GNA14: variants seen among roughly 807,000 people sequenced by gnomAD.
GNA14 encodes G protein subunit alpha 14, also known as guanine nucleotide-binding protein subunit alpha-14.
A neutral mutation model predicts 42.0 loss-of-function variants in GNA14; 50 were observed. That is an observed-to-expected ratio of 1.19 (90% CI 0.95 to 1.51). The LOEUF is 1.51. GNA14 is among the 40% of genes most tolerant of loss of function. The pLI, the probability that GNA14 is intolerant of heterozygous loss-of-function variation, is 0.00. For synonymous variants in GNA14, 173 were observed against 163.1 expected (o/e 1.06, Z -0.46); for missense variants, 473 against 446.2 (o/e 1.06, Z -0.54).
intron 1 of GNA14, among the ~76,000 whole-genome samples, chr9:77,615,702 T>TACACACACAC (rs59087574): frequency 4.3e-4 from 58 of 134,474 alleles, no homozygotes; most frequent in Admixed American, 2.3e-3. Context: ...GAAAATGAAA[T>TACACACACAC]ACACACACAC....
At chr9:77,531,782 C>A (rs12353137) in intron 1 of GNA14, among the ~76,000 whole-genome samples, 10,217 of 152,182 alleles carry the variant, frequency 0.067, 1,152 homozygotes, top group African/African-American at 0.23. Context: ...GCTAACCCCA[C>A]CACCAGCCCC....
chr9:77,443,911 G>A lies in GNA14; in HGVS notation c.310-9389C>T, dbSNP rs374286338. 3.7e-4 allele frequency among the ~76,000 whole-genome samples: 57 copies of A among 152,328 alleles called. 1 individual carries two copies. The highest frequency in any genetic ancestry group is 1.4e-3 in the South Asian group (7 of 4,830). ...GCGGGAGGATCATTTGAACCCAGGT[G>A]TTGGAGGCTAGAGTAAGCTATGATT... On this transcript the variant is annotated intron_variant, in intron 2 of 6. Transcript: ENST00000341700.
rs1481650093 is a variant in GNA14 at position 77,434,397 on chromosome 9, C to T, written c.435G>A (p.Arg145=). The T allele has an allele frequency of 6.2e-7, 1 of 1,614,060 alleles. No individual in the cohort carries two copies. The highest frequency in any genetic ancestry group is 1.1e-5 in the South Asian group (1 of 91,062). ...PGIQECYDRR[R]EYQLSDSAKY... ...TGGCAGAGTCCGACAGCTGGTACTC[C>T]CTCCTCCTGTCGTAACACTCCTGGA... The change falls in exon 3 of 7, where the codon AGG becomes AGA. Residue 145 remains arginine (R), a synonymous_variant. Coordinates refer to ENST00000341700, the MANE Select transcript of GNA14 (RefSeq NM_004297.4).
At chr9:77,586,548 G>C (rs956735022) in intron 1 of GNA14, among the ~76,000 whole-genome samples, 1 of 152,004 alleles carries the variant, frequency 6.6e-6, no homozygotes, top group Non-Finnish European at 1.5e-5. Context: ...CACTCAAGAA[G>C]TAAGTTTAAG....
chr9:77,573,654 A>G (rs1365186975), intron 1 of GNA14, among the ~76,000 whole-genome samples: 1 of 152,164 alleles, frequency 6.6e-6, no homozygotes, highest in African/African-American at 2.4e-5. Context: ...GAAATCTTGC[A>G]CCAAAATCTC....
chr9:77,526,516 A>T (rs1322782133), intron 2 of GNA14: 1 of 152,228 alleles, frequency 6.6e-6, no homozygotes, highest in Admixed American at 6.5e-5. Flanking sequence ...GGAAATTTGG[A>T]CACAGAACCA....
rs1303115438 is a variant in GNA14, at chr9:77,519,598, T to C, written c.309+9471A>G. On this transcript the variant is annotated intron_variant, in intron 2 of 6. Coordinates refer to ENST00000341700, the MANE Select transcript of GNA14 (RefSeq NM_004297.4). ...TCACTTATAAGTGGGAGCTAAACAA[T>C]GTATACACATGGACACAGAGTATGA... 4.6e-5 allele frequency among the ~76,000 whole-genome samples: 7 copies of C among 152,238 alleles called. No homozygotes were observed. The East Asian group carries it at 1.2e-3, about 25-fold the overall frequency.
chr9:77,630,219 G>C (rs573080747), intron 1 of GNA14, among the ~76,000 whole-genome samples: 1 of 151,884 alleles, frequency 6.6e-6, no homozygotes, highest in Admixed American at 6.6e-5. Flanking sequence ...CTGGGCTCAA[G>C]TTATCCTCCC....
intron 1 of GNA14, among the ~76,000 whole-genome samples, chr9:77,642,990 C>G (rs535488183): frequency 1.4e-4 from 21 of 152,148 alleles, no homozygotes; most frequent in South Asian, 8.3e-4. Flanking sequence ...TCAGATGATG[C>G]CTCCTCCAGA....
intron 1 of GNA14, among the ~76,000 whole-genome samples, chr9:77,593,091 G>T (rs1018913358): frequency 2.6e-5 from 4 of 152,142 alleles, no homozygotes; most frequent in Non-Finnish European, 5.9e-5. Context: ...ATAGCCTAAT[G>T]CTCAATTTCA....
chr9:77,517,154 A>T (rs1209717743), intron 2 of GNA14, among the ~76,000 whole-genome samples: 3 of 152,204 alleles, frequency 2.0e-5, no homozygotes, highest in African/African-American at 7.2e-5. Context: ...TATCATGGGA[A>T]TTCTTCCTCA....
intron 2 of GNA14, among the ~76,000 whole-genome samples, chr9:77,505,841 T>G (rs1317367692): frequency 1.3e-5 from 2 of 152,222 alleles, no homozygotes; most frequent in African/African-American, 4.8e-5. Context: ...AACAGGTGCA[T>G]GATAAATATA....
At chr9:77,643,530 C>T (rs1824303026) in intron 1 of GNA14, among the ~76,000 whole-genome samples, 1 of 152,168 alleles carries the variant, frequency 6.6e-6, no homozygotes, top group Non-Finnish European at 1.5e-5. Context: ...TGAGCCACCG[C>T]ACCCAATCGG....
intron 1 of GNA14, among the ~76,000 whole-genome samples, chr9:77,618,581 AATATATATATATATATATATATAT>A (rs1181899033): frequency 1.4e-4 from 6 of 42,612 alleles, no homozygotes; most frequent in African/African-American, 4.7e-4. Flanking sequence ...ATTACATTTG[AATATATATATATATATATATATAT>A]ATATATATAT....
chr9:77,522,550 C>T (rs1190216756), intron 2 of GNA14, among the ~76,000 whole-genome samples: 2 of 152,186 alleles, frequency 1.3e-5, no homozygotes, highest in Non-Finnish European at 2.9e-5. Flanking sequence ...AATCTCCCTT[C>T]CTGCTATGGA....
intron 1 of GNA14, among the ~76,000 whole-genome samples, chr9:77,611,510 A>G (rs1823731041): frequency 6.6e-6 from 1 of 152,218 alleles, no homozygotes; most frequent in African/African-American, 2.4e-5. Context: ...TTGAAAGGAG[A>G]GTCCCTAAGA....
At chr9:77,580,479 T>C (rs1250201267) in intron 1 of GNA14, 3 of 377,582 alleles carry the variant, frequency 7.9e-6, no homozygotes, top group Non-Finnish European at 1.6e-5. Context: ...CCACACCAGA[T>C]AGCTGCATCA....
intron 1 of GNA14, among the ~76,000 whole-genome samples, chr9:77,551,340 A>G (rs944432532): frequency 1.3e-5 from 2 of 152,190 alleles, no homozygotes; most frequent in Non-Finnish European, 2.9e-5. Flanking sequence ...TGTCCTGCAG[A>G]TAAGCAGGGT....
At chr9:77,495,727 C>G (rs1324198187) in intron 2 of GNA14, among the ~76,000 whole-genome samples, 1 of 152,060 alleles carries the variant, frequency 6.6e-6, no homozygotes, top group Non-Finnish European at 1.5e-5. Context: ...CTTCAGGAAC[C>G]CTGAGAAATT....
Sources: gnomAD v4.1 joint callset for allele counts (sites outside exome capture counted in the v4.1 genomes callset) on GRCh38, gnomAD v4.1.1 for gene constraint, MANE v1.5 for transcripts, NCBI Gene and HGNC (gene_info 2026-07-23, HGNC 2026-07-21) for gene names.